ARAP2: variants seen among roughly 807,000 people sequenced by gnomAD.
ARAP2 encodes the protein arf-GAP with Rho-GAP domain, ANK repeat and PH domain-containing protein 2.
ARAP2 carries 148 observed loss-of-function variants against 194.5 expected under a neutral mutation model. The observed-to-expected ratio is 0.76, with a 90% confidence interval of 0.67 to 0.87. The LOEUF is 0.87. Among genes scored for constraint, ARAP2 ranks in the 40% least tolerant of loss-of-function variants. The pLI, the probability that ARAP2 is intolerant of heterozygous loss-of-function variation, is 0.00. For missense variants in ARAP2, 2,128 were observed against 1,989.7 expected, an observed-to-expected ratio of 1.07 and a Z score of -1.32; for synonymous variants, 695 against 683.5, an observed-to-expected ratio of 1.02 and a Z score of -0.26.
chr4:36,007,716 T>C (rs1185919710), intron 9 of ARAP2, among the ~76,000 whole-genome samples: 1 of 152,198 alleles, frequency 6.6e-6, no homozygotes, highest in Non-Finnish European at 1.5e-5. Flanking sequence ...CAACTGACAT[T>C]GAATCTCAAT....
chr4:36,121,351 T>C, intron 22 of ARAP2, 25 bp from the exon 23 acceptor site: 1 of 1,540,122 alleles, frequency 6.5e-7, no homozygotes, highest in South Asian at 1.2e-5. Context: ...CATAGTTTAT[T>C]ATGATACACT....
chr4:36,168,600 T>C (rs945474526), intron 9 of ARAP2, among the ~76,000 whole-genome samples: 3 of 152,158 alleles, frequency 2.0e-5, no homozygotes, highest in East Asian at 1.9e-4. Flanking sequence ...AGACGCAAAT[T>C]GTGGGAAAGC....
At chr4:36,218,407 C>T (rs1748452419) in intron 2 of ARAP2, among the ~76,000 whole-genome samples, 1 of 151,988 alleles carries the variant, frequency 6.6e-6, no homozygotes, top group South Asian at 2.1e-4. Flanking sequence ...ACTTATATAA[C>T]AACCCAGCAC....
At chr4:36,187,006 T>C (rs942053944) in intron 8 of ARAP2, among the ~76,000 whole-genome samples, 6 of 152,174 alleles carry the variant, frequency 3.9e-5, no homozygotes, top group African/African-American at 1.4e-4. Flanking sequence ...CATGGAAAAA[T>C]TGTCTTCCAC....
intron 15 of ARAP2, among the ~76,000 whole-genome samples, chr4:36,151,913 T>C (rs1229343108): frequency 1.3e-5 from 2 of 152,168 alleles, no homozygotes; most frequent in African/African-American, 4.8e-5. Flanking sequence ...TGAGAATTAT[T>C]TGAGCTATTC....
chr4:36,026,730 T>C (rs914169563), intron 5 of ARAP2, among the ~76,000 whole-genome samples: 2 of 152,218 alleles, frequency 1.3e-5, no homozygotes, highest in Admixed American at 6.5e-5. Flanking sequence ...CGCAGTGTTT[T>C]TGATGTGAAT....
intron 2 of ARAP2, among the ~76,000 whole-genome samples, chr4:36,057,240 T>A (rs138692445): frequency 6.3e-4 from 96 of 152,030 alleles, no homozygotes; most frequent in African/African-American, 2.2e-3. Context: ...GAGGCCACTG[T>A]CATTGTATTG....
At chr4:36,100,116 C>T (rs13110947) in intron 27 of ARAP2, among the ~76,000 whole-genome samples, 2 of 151,932 alleles carry the variant, frequency 1.3e-5, no homozygotes, top group African/African-American at 4.8e-5. Context: ...ATCAGCAGGT[C>T]GCCTTGAAAG....
chr4:36,092,154 C>A, intron 27 of ARAP2, 134 bp from the exon 28 acceptor site: 2 of 991,484 alleles, frequency 2.0e-6, no homozygotes, highest in Non-Finnish European at 2.9e-6. Flanking sequence ...AGGTGAACTT[C>A]CGGGAATACC....
chr4:36,144,562 G>A (rs756629455), intron 19 of ARAP2, among the ~76,000 whole-genome samples: 7 of 151,606 alleles, frequency 4.6e-5, no homozygotes, highest in Non-Finnish European at 5.9e-5. Flanking sequence ...TCCTAATTAC[G>A]CCTAGAAGCT....
chr4:36,182,495 C>CTAAA (rs71201004), intron 8 of ARAP2, among the ~76,000 whole-genome samples: 98,711 of 140,570 alleles, frequency 0.7, 34,937 homozygotes, highest in East Asian at 0.79. Context: ...GACTCCATCT[C>CTAAA]TAAATAAATA....
At chr4:36,058,384 G>A (rs2109268744) in intron 1 of ARAP2, among the ~76,000 whole-genome samples, 1 of 152,302 alleles carries the variant, frequency 6.6e-6, no homozygotes, top group African/African-American at 2.4e-5. Context: ...GACTGCAAAA[G>A]CTCTGCTGTT....
chr4:36,212,590 G>C, intron 4 of ARAP2, 103 bp from the exon 5 acceptor site: 1 of 679,910 alleles, frequency 1.5e-6, no homozygotes, highest in Non-Finnish European at 2.5e-6. Flanking sequence ...CATAATATCT[G>C]AGTTTAGTTT....
chr4:36,083,402 G>T lies in ARAP2; in HGVS notation c.4474C>A (p.Arg1492Ser). 6.2e-7 allele frequency: 1 copy of T among 1,608,174 alleles called. No individual in the cohort carries two copies. Among genetic ancestry groups the T allele is most frequent in the South Asian group, 1.1e-5 (1 of 89,758 alleles). ...GGCTTCATTTTCTTTTTCACTCCACGATAAAACTTCATGGAACTGAGAGAA... is the reference window on the plus strand; with the variant it reads ...GGCTTCATTTTCTTTTTCACTCCACTATAAAACTTCATGGAACTGAGAGAA... ...MFSLSSMKFY[R>S]GVKKKMKPPT... is the part of the protein sequence containing the mutation. The change falls in exon 29 of 33, where the codon CGT becomes AGT. Residue 1492 changes from arginine to serine, a missense_variant. Coordinates refer to ENST00000303965, the MANE Select transcript of ARAP2 (RefSeq NM_015230.4).
intron 8 of ARAP2, among the ~76,000 whole-genome samples, chr4:36,185,810 T>C (rs1740408836): frequency 6.6e-6 from 1 of 151,150 alleles, no homozygotes; most frequent in Non-Finnish European, 1.5e-5. Context: ...ACCCCGTCTC[T>C]ACTAGATACA....
intron 8 of ARAP2, among the ~76,000 whole-genome samples, chr4:36,185,305 T>C (rs1740272762): frequency 6.6e-6 from 1 of 152,368 alleles, no homozygotes; most frequent in Non-Finnish European, 1.5e-5. Context: ...ACTATGTACA[T>C]AGATAGGTTT....
chr4:36,206,651 C>T (rs1187066307), intron 6 of ARAP2, among the ~76,000 whole-genome samples: 1 of 152,188 alleles, frequency 6.6e-6, no homozygotes, highest in African/African-American at 2.4e-5. Flanking sequence ...CCTTTTTGCT[C>T]CAATTATTAT....
chr4:36,198,029 C>T (rs770562778), intron 6 of ARAP2, among the ~76,000 whole-genome samples: 3 of 152,180 alleles, frequency 2.0e-5, no homozygotes, highest in African/African-American at 7.2e-5. Context: ...CTTTCAGCCC[C>T]GACATCTCCC....
chr4:36,079,370 A>C (rs994115556), intron 31 of ARAP2, among the ~76,000 whole-genome samples: 1 of 152,114 alleles, frequency 6.6e-6, no homozygotes, highest in Non-Finnish European at 1.5e-5. Flanking sequence ...AACAGAGAAA[A>C]CTATTTTCAG....
Sources: gnomAD v4.1 joint callset for allele counts (sites outside exome capture counted in the v4.1 genomes callset) on GRCh38, gnomAD v4.1.1 for gene constraint, MANE v1.5 for transcripts, NCBI Gene and HGNC (gene_info 2026-07-23, HGNC 2026-07-21) for gene names.